Variants in ATP8A1 observed in about 807,000 individuals in gnomAD.
ATP8A1 encodes ATPase phospholipid transporting 8A1.
A neutral mutation model predicts 177.7 loss-of-function variants in ATP8A1; 90 were observed. The observed-to-expected ratio is 0.51, with a 90% CI of 0.43 to 0.60. The LOEUF (loss-of-function observed/expected upper bound fraction) is 0.60, where lower values mean the gene tolerates loss of function less well. Among genes scored for constraint, ATP8A1 ranks in the 20% least tolerant of loss-of-function variants. The pLI is 0.00. For synonymous variants in ATP8A1, 493 were observed against 485.9 expected (o/e 1.01, Z -0.19); for missense variants, 1,072 against 1,392.8 (o/e 0.77, Z 3.67).
At chr4:42,552,678 CTT>C in intron 16 of ATP8A1, 68 bp from the exon 17 acceptor site, 1 of 1,124,660 alleles carries the variant, frequency 8.9e-7, no homozygotes, top group Non-Finnish European at 1.3e-6. Context: ...AGTAATATTA[CTT>C]CATGTCTATT....
At chr4:42,452,088 C>G (rs751792158) in intron 29 of ATP8A1, 29 bp from the exon 30 acceptor site, 1 of 1,530,412 alleles carries the variant, frequency 6.5e-7, no homozygotes, top group Non-Finnish European at 9.0e-7. Context: ...CCATGAGAAC[C>G]ATTTGCGATA....
intron 5 of ATP8A1, among the ~76,000 whole-genome samples, chr4:42,610,852 C>T (rs1736294062): frequency 6.6e-6 from 1 of 152,176 alleles, no homozygotes; most frequent in Non-Finnish European, 1.5e-5. Context: ...AGCCAACATA[C>T]ACGTGGCAGA....
chr4:42,492,689 T>A (rs1043876975), intron 24 of ATP8A1, among the ~76,000 whole-genome samples: 1 of 152,228 alleles, frequency 6.6e-6, no homozygotes, highest in Non-Finnish European at 1.5e-5. Flanking sequence ...GGTACTTTTG[T>A]TAGCCTGAAT....
chr4:42,657,057 C>G lies in ATP8A1; in HGVS notation c.-184G>C. On this transcript the variant is annotated 5_prime_UTR_variant, in exon 1 of 37. Coordinates refer to ENST00000381668, the MANE Select transcript of ATP8A1 (RefSeq NM_006095.2). The stretch of plus-strand genomic sequence containing the variant: ...CACGCCGACAGGAGGAGGAGAAAGG[C>G]AGCGGTGGCGGCGAAGGTGGCGGCG... The G allele has an allele frequency of 3.9e-6, 2 of 516,222 alleles. No individual in the cohort carries two copies. Among genetic ancestry groups the G allele is most frequent in the Non-Finnish European group, 6.0e-6 (2 of 335,844 alleles). The allele number at this position is 516,222 out of a possible 1,614,324, so 32.0% of individuals were successfully genotyped here. A position where few individuals can be genotyped will look rare whatever the true frequency, so the allele number is the denominator to read the frequency against.
intron 1 of ATP8A1, among the ~76,000 whole-genome samples, chr4:42,644,658 C>G (rs1326246191): frequency 6.6e-6 from 1 of 151,962 alleles, no homozygotes; most frequent in Admixed American, 6.5e-5. Context: ...AATCTTCCCA[C>G]CCGGCAGTGG....
In ATP8A1 at chr4:42,446,650, C is replaced by A; in HGVS notation, c.2897-6G>T. 1 of 1,611,716 alleles carries A rather than the reference C, an allele frequency of 6.2e-7. No homozygotes were observed. Among genetic ancestry groups the A allele is most frequent in the South Asian group, 1.1e-5 (1 of 91,000 alleles). On this transcript the variant is annotated splice_polypyrimidine_tract_variant and splice_region_variant and intron_variant, in intron 30 of 36. Transcript: ENST00000381668. Reference sequence around the variant, plus strand: ...CCCATTTCCAAATGCAGTACCTGTACGAAAAGGAGAGGCCTATTAGAAAGG... The same window carrying A: ...CCCATTTCCAAATGCAGTACCTGTAAGAAAAGGAGAGGCCTATTAGAAAGG...
At chr4:42,644,740 A>G (rs185506199) in intron 1 of ATP8A1, among the ~76,000 whole-genome samples, 2 of 152,300 alleles carry the variant, frequency 1.3e-5, no homozygotes, top group Non-Finnish European at 1.5e-5. Flanking sequence ...ATGGCCAAAT[A>G]AAGAGTCTCA....
At chr4:42,449,214 G>A (rs1233290789) in intron 30 of ATP8A1, among the ~76,000 whole-genome samples, 2 of 152,166 alleles carry the variant, frequency 1.3e-5, no homozygotes, top group African/African-American at 4.8e-5. Flanking sequence ...ACCATTCCTT[G>A]AGACAATCAC....
chr4:42,541,140 T>C (rs1405055433), intron 20 of ATP8A1, among the ~76,000 whole-genome samples: 1 of 151,584 alleles, frequency 6.6e-6, no homozygotes, highest in Non-Finnish European at 1.5e-5. Context: ...AATAAATGAA[T>C]AAATGAATAA....
chr4:42,447,308 G>A (rs1039362523), intron 30 of ATP8A1, among the ~76,000 whole-genome samples: 2 of 152,024 alleles, frequency 1.3e-5, no homozygotes. Context: ...TCAGCCTCCG[G>A]AGTAGCTGGG....
chr4:42,496,779 C>T (rs1034251051), intron 24 of ATP8A1, among the ~76,000 whole-genome samples: 2 of 141,744 alleles, frequency 1.4e-5, no homozygotes, highest in Non-Finnish European at 3.0e-5. Context: ...CACATATATA[C>T]ACATACACAT....
intron 30 of ATP8A1, among the ~76,000 whole-genome samples, chr4:42,450,851 G>A (rs1056743004): frequency 6.6e-6 from 1 of 152,090 alleles, no homozygotes; most frequent in Non-Finnish European, 1.5e-5. Context: ...TTTTGAGAAA[G>A]ATCATACAAA....
chr4:42,573,963 A>T (rs1357121907), intron 14 of ATP8A1, among the ~76,000 whole-genome samples: 1 of 152,228 alleles, frequency 6.6e-6, no homozygotes, highest in African/African-American at 2.4e-5. Context: ...TAGGAAATGT[A>T]GAAATTAATT....
At chr4:42,515,082 C>T (rs141012562) in intron 22 of ATP8A1, among the ~76,000 whole-genome samples, 1 of 152,312 alleles carries the variant, frequency 6.6e-6, no homozygotes, top group East Asian at 1.9e-4. Flanking sequence ...CAATGGATCA[C>T]GTTGTGTCTC....
intron 27 of ATP8A1, among the ~76,000 whole-genome samples, chr4:42,458,246 C>A (rs1718704977): frequency 6.6e-6 from 1 of 152,158 alleles, no homozygotes; most frequent in African/African-American, 2.4e-5. Context: ...TCTAATTCAA[C>A]CAGAGCCACA....
intron 32 of ATP8A1, 141 bp downstream of exon 32, chr4:42,444,435 CCT>C (rs749295286): frequency 3.1e-4 from 230 of 737,802 alleles, no homozygotes; most frequent in Non-Finnish European, 4.7e-4. Flanking sequence ...TTCCCCTACC[CCT>C]GACACCCCAC....
chr4:42,488,370 T>C (rs772627982), intron 24 of ATP8A1, among the ~76,000 whole-genome samples: 41 of 151,902 alleles, frequency 2.7e-4, no homozygotes, highest in African/African-American at 9.2e-4. Flanking sequence ...ATTTCTGCGG[T>C]AGCCTGTCTT....
chr4:42,529,683 G>A (rs772785189), intron 20 of ATP8A1, among the ~76,000 whole-genome samples: 1 of 152,166 alleles, frequency 6.6e-6, no homozygotes, highest in African/African-American at 2.4e-5. Flanking sequence ...CTAGGGCCTG[G>A]TTCACAGATG....
chr4:42,416,966 A>G (rs35841763), intron 35 of ATP8A1, among the ~76,000 whole-genome samples: 20,895 of 152,138 alleles, frequency 0.14, 1,579 homozygotes, highest in Middle Eastern at 0.18. Context: ...GTTGCTGCAC[A>G]TGGGTTTTAG....
Sources: gnomAD v4.1 joint callset for allele counts (sites outside exome capture counted in the v4.1 genomes callset) on GRCh38, gnomAD v4.1.1 for gene constraint, MANE v1.5 for transcripts, NCBI Gene and HGNC (gene_info 2026-07-23, HGNC 2026-07-21) for gene names.